Variants in MAGT1 observed in about 807,000 individuals in gnomAD.
The protein encoded by MAGT1 is magnesium transporter 1.
A neutral mutation model predicts 28.4 loss-of-function variants in MAGT1; 4 were observed. The ratio of observed to expected loss-of-function variants is 0.14; its 90% CI spans 0.07 to 0.32. MAGT1 has a LOEUF of 0.32. Ranked by LOEUF, MAGT1 falls within the 10% of genes least tolerant of loss-of-function variation. The pLI is 1.00. For missense variants in MAGT1, 193 were observed against 264.5 expected, an observed-to-expected ratio of 0.73 and a Z score of 1.88; for synonymous variants, 89 against 89.7, an observed-to-expected ratio of 0.99 and a Z score of 0.04.
Position 77,870,859 on chromosome X carries a change from C to T in MAGT1, c.339G>A (p.Arg113=). ...SWRYSSAFTN[R]IFFAMVDFDE... is the part of the protein sequence containing the mutation. ...CAAAATCCACCATGGCAAAAAATAT[C>T]CTGTTGGTGAATGCACTGGAGTATC... is the stretch of plus-strand genomic sequence containing the variant. Residue 113 remains arginine (R), a synonymous_variant, in exon 3 of 10, where the codon AGG becomes AGA. Transcript: ENST00000618282. The T allele has an allele frequency of 8.3e-7, 1 of 1,210,581 alleles. No homozygotes were observed. Among genetic ancestry groups the T allele is most frequent in the Non-Finnish European group, 1.1e-6 (1 of 894,466 alleles).
At chrX:77,892,091 C>T (rs1031411641) in intron 1 of MAGT1, among the ~76,000 whole-genome samples, 1 of 110,424 alleles carries the variant, frequency 9.1e-6, no homozygotes, top group African/African-American at 3.3e-5. Flanking sequence ...GACGGGGTTT[C>T]CCCAAGTTGG....
intron 6 of MAGT1, among the ~76,000 whole-genome samples, chrX:77,854,316 A>G (rs886618022): frequency 9.1e-6 from 1 of 110,315 alleles, no homozygotes; most frequent in Non-Finnish European, 1.9e-5. Context: ...TGGGACTACA[A>G]GTATGCACCA....
At chrX:77,893,318 G>A (rs1557219635) in intron 1 of MAGT1, among the ~76,000 whole-genome samples, 2 of 111,795 alleles carry the variant, frequency 1.8e-5, no homozygotes, top group African/African-American at 3.3e-5. Context: ...TAAGAGAAAA[G>A]GAAGATATTC....
At chrX:77,859,090 C>G (rs1303140857) in intron 3 of MAGT1, among the ~76,000 whole-genome samples, 1 of 110,534 alleles carries the variant, frequency 9.0e-6, no homozygotes, top group East Asian at 2.8e-4. Flanking sequence ...CACCTGTAAT[C>G]CCAGCTACTC....
intron 1 of MAGT1, among the ~76,000 whole-genome samples, chrX:77,879,353 C>A (rs2077044652): frequency 8.9e-6 from 1 of 111,915 alleles, no homozygotes; most frequent in African/African-American, 3.2e-5. Flanking sequence ...CTGTGTCCAG[C>A]CCCACCCTCA....
chrX:77,883,134 T>A (rs948461373), intron 1 of MAGT1, among the ~76,000 whole-genome samples: 4 of 102,560 alleles, frequency 3.9e-5, no homozygotes, highest in Non-Finnish European at 7.8e-5. Context: ...TATATTATTA[T>A]TAATCCAGGC....
At position 77,867,973 on chromosome X, in the gene MAGT1, C is replaced by T. The variant is rs959612458; in HGVS notation, c.390+2835G>A. 7.5e-5 allele frequency: 5 copies of T among 66,740 alleles called. 2 individuals are homozygous for T. The highest frequency in any genetic ancestry group is 2.0e-4 in the Non-Finnish European group (5 of 24,709). 5.5% of individuals were successfully genotyped at this position (66,740 alleles called of 1,213,427 possible). On this transcript the variant is annotated intron_variant, in intron 3 of 9. Coordinates refer to ENST00000618282, the MANE Select transcript of MAGT1 (RefSeq NM_001367916.1). ...GGTAAGTGGACCAGTTAAAAGGTTA[C>T]TGCATTAGCTTGAATGAGAGATGAA... is the stretch of plus-strand genomic sequence containing the variant.
intron 1 of MAGT1, among the ~76,000 whole-genome samples, chrX:77,893,890 G>A (rs1264994622): frequency 1.8e-5 from 2 of 108,214 alleles, no homozygotes; most frequent in East Asian, 2.9e-4. Flanking sequence ...GCAACAGAGC[G>A]AGACCCGGTC....
At chrX:77,857,794 A>G (rs1276736587) in intron 3 of MAGT1, among the ~76,000 whole-genome samples, 5 of 112,029 alleles carry the variant, frequency 4.5e-5, no homozygotes, top group African/African-American at 1.6e-4. Flanking sequence ...ATCTGTTCAG[A>G]GATTATGCAA....
chrX:77,874,427 C>T (rs1398629464), intron 2 of MAGT1, among the ~76,000 whole-genome samples: 6 of 107,393 alleles, frequency 5.6e-5, no homozygotes, highest in African/African-American at 2.0e-4. Flanking sequence ...GAAACTCCGT[C>T]TCTACTAAAA....
At chrX:77,868,984 T>G (rs2149022989) in intron 3 of MAGT1, among the ~76,000 whole-genome samples, 1 of 111,887 alleles carries the variant, frequency 8.9e-6, no homozygotes, top group South Asian at 3.7e-4. Flanking sequence ...GACCAGAAAC[T>G]TAAATCTAAG....
chrX:77,848,883 G>A (rs2076959309), intron 7 of MAGT1, among the ~76,000 whole-genome samples: 1 of 109,570 alleles, frequency 9.1e-6, no homozygotes, highest in Non-Finnish European at 1.9e-5. Flanking sequence ...GTGTGGTAGT[G>A]CTCACCTATA....
intron 4 of MAGT1, 98 bp downstream of exon 4, chrX:77,857,259 C>A: frequency 9.6e-7 from 1 of 1,040,366 alleles, no homozygotes; most frequent in Non-Finnish European, 1.3e-6. Flanking sequence ...CAAACTAGTA[C>A]CACCTCAGTG....
At chrX:77,882,575 T>G (rs924440182) in intron 1 of MAGT1, among the ~76,000 whole-genome samples, 21 of 111,584 alleles carry the variant, frequency 1.9e-4, no homozygotes, top group Non-Finnish European at 3.9e-4. Context: ...TATATAATCA[T>G]GCCAACAAAA....
At chrX:77,895,104 G>A (rs2077094674) in intron 1 of MAGT1, among the ~76,000 whole-genome samples, 1 of 111,285 alleles carries the variant, frequency 9.0e-6, no homozygotes, top group African/African-American at 3.3e-5. Flanking sequence ...TGTCACCTAC[G>A]CTACTCCACT....
intron 3 of MAGT1, among the ~76,000 whole-genome samples, chrX:77,866,067 G>A (rs1166322380): frequency 1.5e-5 from 1 of 65,177 alleles, no homozygotes; most frequent in African/African-American, 3.6e-5. Flanking sequence ...GCTGAGGCAC[G>A]AGAATCGCTT....
intron 1 of MAGT1, among the ~76,000 whole-genome samples, chrX:77,891,403 T>G: frequency 9.1e-6 from 1 of 109,873 alleles, no homozygotes; most frequent in Non-Finnish European, 1.9e-5. Context: ...CAGGCTGGGC[T>G]CAAACTCTTG....
At chrX:77,830,970 T>TTTTATTTTATTTTATTTA (rs2076896440) in intron 8 of MAGT1, 75 bp from the exon 9 acceptor site, 1 of 181,564 alleles carries the variant, frequency 5.5e-6, no homozygotes, top group Non-Finnish European at 9.9e-6. Flanking sequence ...ATACTTTCTT[T>TTTTATTTTATTTTATTTA]TTTTATTTTA....
chrX:77,846,343 T>G (rs1223624427), intron 7 of MAGT1, among the ~76,000 whole-genome samples: 1 of 111,547 alleles, frequency 9.0e-6, no homozygotes, highest in Non-Finnish European at 1.9e-5. Flanking sequence ...TCTAACCTTT[T>G]TTCAAGGTTT....
Sources: gnomAD v4.1 joint callset for allele counts (sites outside exome capture counted in the v4.1 genomes callset) on GRCh38, gnomAD v4.1.1 for gene constraint, MANE v1.5 for transcripts, NCBI Gene and HGNC (gene_info 2026-07-23, HGNC 2026-07-21) for gene names.